Variants in USP44 observed in about 807,000 individuals in gnomAD.
USP44 encodes ubiquitin specific peptidase 44, also known as ubiquitin carboxyl-terminal hydrolase 44.
USP44 carries 61 observed loss-of-function variants against 69.0 expected under a neutral mutation model. The observed-to-expected ratio is 0.88, with a 90% CI of 0.72 to 1.09. USP44 has a LOEUF of 1.09. USP44 is among the 50% of genes least tolerant of loss of function. The pLI is 0.00. For synonymous variants in USP44, 297 were observed against 295.4 expected, an observed-to-expected ratio of 1.01 and a Z score of -0.06; for missense variants, 753 against 849.9, an observed-to-expected ratio of 0.89 and a Z score of 1.42.
At chr12:95,519,473 T>C (rs1212652886) in intron 5 of USP44, among the ~76,000 whole-genome samples, 1 of 129,318 alleles carries the variant, frequency 7.7e-6, no homozygotes, top group Non-Finnish European at 1.6e-5. Flanking sequence ...GGAGTCTCGC[T>C]CTGTCACCCA....
chr12:95,532,947 C>T lies in USP44; in HGVS notation c.1310G>A (p.Arg437His), dbSNP rs781541174. 8.4e-5 allele frequency: 135 copies of T among 1,614,030 alleles called. No homozygotes were observed. Among genetic ancestry groups the T allele is most frequent in the Non-Finnish European group, 1.1e-4 (133 of 1,180,038 alleles). The change falls in exon 2 of 6, where the codon CGT becomes CAT. Residue 437 changes from arginine to histidine, a missense_variant. By Grantham distance (29) the Arg-to-His change is conservative (BLOSUM62 0). Transcript: ENST00000258499. Reference protein sequence around the residue: ...FLCELLDKIQRELETTGTSLP... With the variant: ...FLCELLDKIQHELETTGTSLP... ...ACTGGTACCAGTTGTCTCTAATTCA[C>T]GTTGTATTTTATCTAAAAGTTCACA...
At chr12:95,541,280 A>C (rs2077380648) in intron 1 of USP44, among the ~76,000 whole-genome samples, 1 of 152,100 alleles carries the variant, frequency 6.6e-6, no homozygotes, top group African/African-American at 2.4e-5. Flanking sequence ...TGTTTCAAAA[A>C]ATAATAATAA....
chr12:95,542,249 T>G (rs1189141535), intron 1 of USP44, among the ~76,000 whole-genome samples: 2 of 152,222 alleles, frequency 1.3e-5, no homozygotes, highest in Non-Finnish European at 2.9e-5. Flanking sequence ...TGAATCCTTG[T>G]GTTATGTGTG....
At chr12:95,526,127 G>A (rs1443300893) in intron 3 of USP44, among the ~76,000 whole-genome samples, 1 of 152,188 alleles carries the variant, frequency 6.6e-6, no homozygotes, top group South Asian at 2.1e-4. Flanking sequence ...GGTAGCTTTA[G>A]TAAACACATA....
Position 95,534,057 on chromosome 12 carries a change from G to A in USP44, c.200C>T (p.Pro67Leu). ...CATCTCATTCACCTCCAATGCAACA[G>A]GATGACTGCTTTCTTGAAAGTGCTT... ...ALKHFQESSH[P>L]VALEVNEMYV... The change falls in exon 2 of 6, where the codon CCT (proline) becomes CTT (leucine). Residue 67 changes from proline to leucine, a missense_variant. By Grantham distance (98) the Pro-to-Leu change is moderately conservative. Coordinates refer to ENST00000258499, the MANE Select transcript of USP44 (RefSeq NM_032147.5). 1 of 1,614,156 alleles carries A rather than the reference G, an allele frequency of 6.2e-7. No individual in the cohort carries two copies. Among genetic ancestry groups the A allele is most frequent in the Non-Finnish European group, 8.5e-7 (1 of 1,180,032 alleles).
At chr12:95,540,404 G>A (rs1393610811) in intron 1 of USP44, among the ~76,000 whole-genome samples, 1 of 145,206 alleles carries the variant, frequency 6.9e-6, no homozygotes, top group Non-Finnish European at 1.5e-5. Flanking sequence ...GTGCAATGGT[G>A]TGATCTTGGC....
In USP44 at chr12:95,528,074, G is replaced by A. The variant is rs552168327; in HGVS notation, c.1624+733C>T. Among the ~76,000 whole-genome samples the A allele has an allele frequency of 2.0e-3, 301 of 151,790 alleles. 1 individual carries two copies. Among genetic ancestry groups the A allele is most frequent in the African/African-American group, 6.9e-3 (285 of 41,396 alleles). ...GGCTGGGCTTGAACTCCTGACCTCA[G>A]GTGATCTGCCCACCTCGGCCTCCCA... On this transcript the variant is annotated intron_variant, in intron 3 of 5. Coordinates refer to ENST00000258499, the MANE Select transcript of USP44 (RefSeq NM_032147.5).
intron 5 of USP44, among the ~76,000 whole-genome samples, chr12:95,519,979 G>A (rs1012546782): frequency 8.6e-6 from 1 of 115,638 alleles, no homozygotes; most frequent in African/African-American, 3.4e-5. Context: ...CTGTACTCTA[G>A]CCCAGGGGAA....
At chr12:95,551,029 T>C (rs1039236797) in intron 1 of USP44, among the ~76,000 whole-genome samples, 1 of 152,126 alleles carries the variant, frequency 6.6e-6, no homozygotes, top group African/African-American at 2.4e-5. Context: ...TACCATTTTA[T>C]TCATGATCTT....
chr12:95,544,881 AACC>A (rs138082897), intron 1 of USP44, among the ~76,000 whole-genome samples: 1,593 of 152,278 alleles, frequency 0.01, 24 homozygotes, highest in African/African-American at 0.035. Context: ...AGTGTCTTAT[AACC>A]ACAATTTTAT....
intron 2 of USP44, among the ~76,000 whole-genome samples, chr12:95,532,048 CCCTA>C (rs2077037475): frequency 6.6e-6 from 1 of 152,092 alleles, no homozygotes; most frequent in African/African-American, 2.4e-5. Context: ...CTTAAAATTT[CCCTA>C]CCTACTTGTT....
chr12:95,524,595 GA>G (rs1454633537), intron 4 of USP44, 84 bp downstream of exon 4: 6 of 1,040,266 alleles, frequency 5.8e-6, no homozygotes, highest in East Asian at 2.6e-5. Context: ...AAAGTAAGGG[GA>G]AAAAATTATA....
At position 95,517,521 on chromosome 12, in the gene USP44, T is replaced by TTAAA. The variant is rs771489400; in HGVS notation, c.*629_*632dup. The TTAAA allele has an allele frequency of 7.9e-5, 12 of 152,212 alleles. No individual in the cohort carries two copies. Among genetic ancestry groups the TTAAA allele is most frequent in the Non-Finnish European group, 1.6e-4 (11 of 68,052 alleles). 9.4% of individuals were successfully genotyped at this position (152,212 alleles called of 1,614,324 possible). A position where few individuals can be genotyped will look rare whatever the true frequency, so the allele number is the denominator to read the frequency against. On this transcript the variant is annotated 3_prime_UTR_variant, in exon 6 of 6. Coordinates refer to ENST00000258499, the MANE Select transcript of USP44 (RefSeq NM_032147.5). ...TCATGTCCATAGTTCCAGAGTTCAC[T>TTAAA]TAAATATACTATTTGTAAAGCTGCC...
At chr12:95,529,132 G>T in intron 2 of USP44, 130 bp from the exon 3 acceptor site, 2 of 760,986 alleles carry the variant, frequency 2.6e-6, no homozygotes, top group Non-Finnish European at 3.8e-6. Context: ...TGAATAATCT[G>T]CTTTATATTC....
At chr12:95,549,733 A>G (rs2077688373) in intron 1 of USP44, among the ~76,000 whole-genome samples, 1 of 152,244 alleles carries the variant, frequency 6.6e-6, no homozygotes, top group Non-Finnish European at 1.5e-5. Flanking sequence ...CTATCTTTTC[A>G]TCATCAGTTT....
intron 4 of USP44, 52 bp from the exon 5 acceptor site, chr12:95,521,254 C>T (rs558605484): frequency 5.2e-6 from 8 of 1,549,756 alleles, no homozygotes; most frequent in South Asian, 4.5e-5. Flanking sequence ...AAAATAACCA[C>T]GTACTAGGTC....
At chr12:95,541,054 C>A (rs754653572) in intron 1 of USP44, among the ~76,000 whole-genome samples, 1 of 152,076 alleles carries the variant, frequency 6.6e-6, no homozygotes, top group Non-Finnish European at 1.5e-5. Context: ...CCAAGGCGGG[C>A]GGATCACGAG....
chr12:95,550,310 G>A (rs534841346), intron 1 of USP44, among the ~76,000 whole-genome samples: 1 of 151,674 alleles, frequency 6.6e-6, no homozygotes, highest in Non-Finnish European at 1.5e-5. Context: ...GTACATTAAG[G>A]TTACAACTGC....
At chr12:95,547,496 A>C (rs1455747071) in intron 1 of USP44, among the ~76,000 whole-genome samples, 1 of 152,252 alleles carries the variant, frequency 6.6e-6, no homozygotes, top group Non-Finnish European at 1.5e-5. Context: ...TCAACTGAAT[A>C]TTGAATCTCA....
Sources: allele counts gnomAD v4.1 joint callset (sites outside exome capture counted in the v4.1 genomes callset), GRCh38; gene constraint gnomAD v4.1.1; transcripts MANE v1.5; gene names NCBI Gene and HGNC (gene_info 2026-07-23, HGNC 2026-07-21).